Variants in PALM observed in about 807,000 individuals in gnomAD.
PALM encodes the protein paralemmin, also known as paralemmin-1.
In PALM, 18 loss-of-function variants were observed where a neutral mutation model predicts 30.7. That is an observed-to-expected ratio of 0.59 (90% CI 0.41 to 0.87). The LOEUF (loss-of-function observed/expected upper bound fraction) is 0.87, where lower values mean the gene tolerates loss of function less well. Among genes scored for constraint, PALM ranks in the 40% least tolerant of loss-of-function variants. The probability of loss-of-function intolerance (pLI) is 0.00; values close to 1 mark genes in which losing one functional copy is unlikely to be tolerated. For synonymous variants in PALM, 286 were observed against 242.8 expected (o/e 1.18, Z -1.66); for missense variants, 529 against 555.4 (o/e 0.95, Z 0.48).
At chr19:721,251 C>G (rs1237884302) in intron 1 of PALM, among the ~76,000 whole-genome samples, 1 of 152,024 alleles carries the variant, frequency 6.6e-6, no homozygotes, top group Admixed American at 6.6e-5. Flanking sequence ...GGGACAGGGT[C>G]TGATTAATTA....
rs550648595 is a variant in PALM at position 746,049 on chromosome 19, C to T, written c.635-236C>T. On this transcript the variant is annotated intron_variant, in intron 8 of 8. Coordinates refer to ENST00000338448, the MANE Select transcript of PALM (RefSeq NM_002579.3). This position sits in a 1 kb window ranked among gnomAD's most constrained non-coding sequence, Gnocchi z 7.1. The stretch of plus-strand genomic sequence containing the variant: ...CTCCAGCCTGGGCGACAGAGTGAGA[C>T]TCCGTCTCAAAAAAAATTTTTTTTC... Among the ~76,000 whole-genome samples the T allele has an allele frequency of 6.6e-6, 1 of 152,196 alleles. No individual in the cohort carries two copies. The highest frequency in any genetic ancestry group is 2.4e-5 in the African/African-American group (1 of 41,448).
intron 1 of PALM, among the ~76,000 whole-genome samples, chr19:710,758 AG>A (rs1228369875): frequency 6.7e-6 from 1 of 150,360 alleles, no homozygotes; most frequent in Non-Finnish European, 1.5e-5. Flanking sequence ...GGTGGCCCAC[AG>A]GTCCCCCATT....
intron 1 of PALM, among the ~76,000 whole-genome samples, chr19:710,345 G>A (rs1397409024): frequency 6.6e-6 from 1 of 152,040 alleles, no homozygotes; most frequent in Non-Finnish European, 1.5e-5. Flanking sequence ...CCCTCTCCCC[G>A]TCACCCCGCC....
intron 1 of PALM, chr19:719,607 C>A (rs993274189): frequency 9.8e-5 from 97 of 986,526 alleles, no homozygotes; most frequent in Non-Finnish European, 1.1e-4. Context: ...ACCGCCGCCG[C>A]CCTGAGCTTT....
In PALM at chr19:727,098, G is replaced by A; in HGVS notation, c.138+10G>A. ...GCTGCAGCACCTGAAGGTACGAGCG[G>A]GGCAGGGACCCAGGGTCAGGGAGTG... On this transcript the variant is annotated intron_variant, in intron 3 of 8. Transcript: ENST00000338448. 2 of 1,535,178 alleles carry A rather than the reference G, an allele frequency of 1.3e-6. No homozygotes were observed. The highest frequency in any genetic ancestry group is 1.8e-6 in the Non-Finnish European group (2 of 1,133,342).
chr19:726,957 G>GGGGGGGGGT, intron 2 of PALM, 51 bp from the exon 3 acceptor site: 3 of 1,109,138 alleles, frequency 2.7e-6, no homozygotes, highest in East Asian at 2.7e-5. Context: ...GGGTGGGGGG[G>GGGGGGGGGT]TCTCCGGGAC....
chr19:721,029 C>T (rs2032460205), intron 1 of PALM, among the ~76,000 whole-genome samples: 1 of 152,180 alleles, frequency 6.6e-6, no homozygotes, highest in African/African-American at 2.4e-5. Flanking sequence ...CTGGCTGTGC[C>T]CAGGGCCACG....
At chr19:716,403 CTT>C (rs1310580428) in intron 1 of PALM, among the ~76,000 whole-genome samples, 2 of 142,434 alleles carry the variant, frequency 1.4e-5, no homozygotes, top group Non-Finnish European at 3.1e-5. Flanking sequence ...GAGCGAGACT[CTT>C]TCTCTCAAAA....
intron 5 of PALM, among the ~76,000 whole-genome samples, chr19:731,448 C>T (rs2032871789): frequency 6.6e-6 from 1 of 152,176 alleles, no homozygotes; most frequent in Non-Finnish European, 1.5e-5. Context: ...TCGGTTTCCC[C>T]ATCTGTAAGA....
chr19:717,945 G>A (rs933861483), intron 1 of PALM, among the ~76,000 whole-genome samples: 8 of 152,162 alleles, frequency 5.3e-5, no homozygotes, highest in African/African-American at 1.9e-4. Flanking sequence ...ACTTTGGGAG[G>A]CTGAGGCGGG....
intron 2 of PALM, 22 bp downstream of exon 2, chr19:726,211 G>A (rs1048495145): frequency 1.2e-6 from 2 of 1,610,716 alleles, no homozygotes; most frequent in Admixed American, 1.7e-5. Flanking sequence ...CCGCCCCGCA[G>A]ACGGTGTGGT....
rs769613321 is a variant in PALM at position 746,490 on chromosome 19, A to G, written c.840A>G (p.Pro280=). Residue 280 remains proline, a synonymous_variant, in exon 9 of 9, where the codon CCA becomes CCG. Coordinates refer to ENST00000338448, the MANE Select transcript of PALM (RefSeq NM_002579.3). The surrounding 1 kb of genome is among the most constrained non-coding windows in gnomAD (Gnocchi z 7.1). ...AGATCACCGGTGTGCAGGCACAGCC[A>G]GGCGAGGCCACGTCCGGCCCGCCGG... is the stretch of plus-strand genomic sequence containing the variant. ...RREITGVQAQ[P]GEATSGPPGI... is the part of the protein sequence containing the mutation. 7 of 1,611,108 alleles carry G rather than the reference A, an allele frequency of 4.3e-6. No individual in the cohort carries two copies.
chr19:720,516 G>T (rs1423798110), intron 1 of PALM, among the ~76,000 whole-genome samples: 14 of 136,388 alleles, frequency 1.0e-4, no homozygotes, highest in Admixed American at 2.2e-4. Flanking sequence ...TGAGGGGGGC[G>T]CCGGGTCTGG....
intron 1 of PALM, among the ~76,000 whole-genome samples, chr19:718,532 C>G (rs759833819): frequency 2.0e-5 from 3 of 152,198 alleles, no homozygotes; most frequent in South Asian, 2.1e-4. Flanking sequence ...CCTGAGGGCC[C>G]GGGCAGGGTC....
intron 1 of PALM, chr19:719,704 C>T: frequency 1.2e-6 from 1 of 847,460 alleles, no homozygotes; most frequent in Non-Finnish European, 1.4e-6. Context: ...GTGACCCCTG[C>T]GCCGGGGTCC....
At chr19:726,987 C>A in intron 2 of PALM, 21 bp from the exon 3 acceptor site, 14 of 1,158,280 alleles carry the variant, frequency 1.2e-5, no homozygotes, top group Non-Finnish European at 1.5e-5. Flanking sequence ...CATCCCTGAC[C>A]CCACCCGGCC....
intron 1 of PALM, among the ~76,000 whole-genome samples, chr19:724,300 GT>G (rs1374056162): frequency 6.6e-6 from 1 of 152,082 alleles, no homozygotes; most frequent in East Asian, 1.9e-4. Context: ...TCCGGCAACA[GT>G]GGTATTCATT....
chr19:745,381 G>T (rs949122154), intron 8 of PALM, among the ~76,000 whole-genome samples: 1 of 152,136 alleles, frequency 6.6e-6, no homozygotes, highest in African/African-American at 2.4e-5. Flanking sequence ...GATCACGTGG[G>T]AGCTAGTTGG....
At chr19:741,068 G>A (rs1483750982) in intron 8 of PALM, among the ~76,000 whole-genome samples, 1 of 152,154 alleles carries the variant, frequency 6.6e-6, no homozygotes, top group Non-Finnish European at 1.5e-5. Flanking sequence ...GGGCCCAGGA[G>A]GTTGAGGCTG....
Sources: gnomAD v4.1 joint callset for allele counts (sites outside exome capture counted in the v4.1 genomes callset) on GRCh38, gnomAD v4.1.1 for gene constraint, Gnocchi (gnomAD v3.1) non-coding constraint, MANE v1.5 for transcripts, NCBI Gene and HGNC (gene_info 2026-07-23, HGNC 2026-07-21) for gene names.